Variants in PCSK9 observed in about 807,000 individuals in gnomAD.
The protein encoded by PCSK9 is proprotein convertase subtilisin/kexin type 9.
PCSK9 carries 57 observed loss-of-function variants against 62.1 expected under a neutral mutation model. The observed-to-expected ratio is 0.92, with a 90% CI of 0.74 to 1.14. The LOEUF is 1.14. PCSK9 is among the 50% of genes most tolerant of loss of function. The pLI, the probability that PCSK9 is intolerant of heterozygous loss-of-function variation, is 0.00. For synonymous variants in PCSK9, 387 were observed against 409.4 expected, an observed-to-expected ratio of 0.95 and a Z score of 0.66; for missense variants, 870 against 959.8, an observed-to-expected ratio of 0.91 and a Z score of 1.24.
intron 10 of PCSK9, among the ~76,000 whole-genome samples, chr1:55,060,405 C>T (rs1375920392): frequency 2.6e-5 from 4 of 152,130 alleles, no homozygotes; most frequent in African/African-American, 4.8e-5. Flanking sequence ...CGTCTGAGCA[C>T]GTCCAGGGGA....
rs956173950 is a variant in PCSK9, at chr1:55,046,741, C to CG, written c.523+101dup. ...CTCCCTGCTGGTGGTTTCCACTTCT[C>CG]GGGGGGCTTTGGGACTCAGCACCTC... On this transcript the variant is annotated intron_variant, in intron 3 of 11. Transcript: ENST00000302118. The CG allele has an allele frequency of 3.3e-6, 5 of 1,494,374 alleles. No individual in the cohort carries two copies. In the African/African-American group the frequency reaches 4.1e-5, roughly 12 times the overall value. 92.6% of individuals were successfully genotyped at this position (1,494,374 alleles called of 1,614,324 possible).
At chr1:55,045,882 G>A (rs1033084294) in intron 2 of PCSK9, among the ~76,000 whole-genome samples, 3 of 152,040 alleles carry the variant, frequency 2.0e-5, no homozygotes, top group Admixed American at 6.6e-5. Context: ...GCTAATTTTT[G>A]TATTTTTAAT....
chr1:55,063,553 A>G lies in PCSK9; in HGVS notation c.2048A>G (p.His683Arg), dbSNP rs778218461. Residue 683 changes from histidine (H) to arginine (R), a missense_variant, in exon 12 of 12, where the codon CAC (histidine) becomes CGC (arginine). Physicochemically the swap from His to Arg is conservative, Grantham distance 29. Coordinates refer to ENST00000302118, the MANE Select transcript of PCSK9 (RefSeq NM_174936.4). ...GTTGCCATCTGCTGCCGGAGCCGGC[A>G]CCTGGCGCAGGCCTCCCAGGAGCTC... ...TAVAICCRSR[H>R]LAQASQELQ is the part of the protein sequence containing the mutation. 6.2e-7 allele frequency: 1 copy of G among 1,612,790 alleles called. No individual in the cohort carries two copies. The highest frequency in any genetic ancestry group is 1.3e-5 in the African/African-American group (1 of 74,898).
chr1:55,062,912 C>G (rs1212795479), intron 11 of PCSK9, among the ~76,000 whole-genome samples: 1 of 150,180 alleles, frequency 6.7e-6, no homozygotes, highest in Admixed American at 6.6e-5. Flanking sequence ...TGGAGGGAGG[C>G]GGTGGAGGGT....
At chr1:55,050,676 C>G (rs1313316745) in intron 3 of PCSK9, among the ~76,000 whole-genome samples, 9 of 152,192 alleles carry the variant, frequency 5.9e-5, no homozygotes, top group African/African-American at 2.2e-4. Context: ...CGGACTGTGC[C>G]CAGACCTACT....
intron 9 of PCSK9, 116 bp from the exon 10 acceptor site, chr1:55,059,370 G>A: frequency 2.2e-6 from 3 of 1,335,512 alleles, no homozygotes; most frequent in Non-Finnish European, 3.2e-6. Context: ...GGCTGGGTCT[G>A]GCTGGCCCCT....
intron 5 of PCSK9, among the ~76,000 whole-genome samples, chr1:55,054,585 C>A (rs1222020676): frequency 6.6e-6 from 1 of 152,134 alleles, no homozygotes; most frequent in Non-Finnish European, 1.5e-5. Context: ...CAGAAGGCTC[C>A]CACACCTCAT....
intron 11 of PCSK9, 63 bp from the exon 12 acceptor site, chr1:55,063,306 A>C: frequency 6.5e-7 from 1 of 1,532,998 alleles, no homozygotes; most frequent in Non-Finnish European, 8.9e-7. Flanking sequence ...GGGAGAAATG[A>C]AGTGTGGGTG....
intron 1 of PCSK9, among the ~76,000 whole-genome samples, chr1:55,042,316 T>C (rs1267847236): frequency 6.6e-6 from 1 of 152,028 alleles, no homozygotes; most frequent in Non-Finnish European, 1.5e-5. Flanking sequence ...AAACCAAAAG[T>C]TTTTTTTGTG....
intron 3 of PCSK9, among the ~76,000 whole-genome samples, chr1:55,047,692 G>A (rs1424060885): frequency 2.0e-5 from 3 of 152,336 alleles, no homozygotes; most frequent in African/African-American, 7.2e-5. Context: ...CAACAGATCA[G>A]AGCTGGTGGG....
chr1:55,039,959 T>A lies in PCSK9; in HGVS notation c.122T>A (p.Leu41Gln), dbSNP rs550263135. 4 of 1,578,124 alleles carry A rather than the reference T, an allele frequency of 2.5e-6. No individual in the cohort carries two copies. In the African/African-American group the frequency reaches 5.4e-5, roughly 21 times the overall value. The change falls in exon 1 of 12, where the codon CTG becomes CAG. Residue 41 changes from leucine to glutamine, a missense_variant. Physicochemically the swap from Leu to Gln is moderately radical, Grantham distance 113 (BLOSUM62 -2). Transcript: ENST00000302118. ...QEDEDGDYEE[L>Q]VLALRSEEDG... Reference sequence around the variant, plus strand: ...GACGAGGACGGCGACTACGAGGAGCTGGTGCTAGCCTTGCGTTCCGAGGAG... The same window carrying A: ...GACGAGGACGGCGACTACGAGGAGCAGGTGCTAGCCTTGCGTTCCGAGGAG...
At position 55,056,007 on chromosome 1, in the gene PCSK9, C is replaced by T. The variant is rs754744118; in HGVS notation, c.814C>T (p.Arg272Trp). ...SGTLIGLEFI[R>W]KSQLVQPVGP... ...GTTCCTCCCAGGCCTGGAGTTTATT[C>T]GGAAAAGCCAGCTGGTCCAGCCTGT... The change falls in exon 6 of 12, where the codon CGG (arginine) becomes TGG (tryptophan). Residue 272 changes from arginine (R) to tryptophan (W), a missense_variant. By Grantham distance (101) the Arg-to-Trp change is moderately radical. Coordinates refer to ENST00000302118, the MANE Select transcript of PCSK9 (RefSeq NM_174936.4). The T allele has an allele frequency of 2.1e-5, 34 of 1,609,508 alleles. No homozygotes were observed. Among genetic ancestry groups the T allele is most frequent in the Non-Finnish European group, 2.7e-5 (32 of 1,177,502 alleles).
intron 6 of PCSK9, 35 bp downstream of exon 6, chr1:55,056,224 AGG>A: frequency 4.6e-6 from 1 of 216,372 alleles, no homozygotes; most frequent in Non-Finnish European, 5.9e-6. Flanking sequence ...AGGCGCGGGT[AGG>A]GGGCGGAGGG....
intron 11 of PCSK9, among the ~76,000 whole-genome samples, chr1:55,062,570 G>A (rs1368771719): frequency 2.6e-5 from 4 of 152,242 alleles, no homozygotes; most frequent in Non-Finnish European, 4.4e-5. Flanking sequence ...AATGGGGTGG[G>A]AGAGAGGTCA....
At chr1:55,060,178 G>A (rs772611513) in intron 10 of PCSK9, among the ~76,000 whole-genome samples, 15 of 152,216 alleles carry the variant, frequency 9.9e-5, no homozygotes, top group Non-Finnish European at 1.8e-4. Flanking sequence ...TTCATCACCC[G>A]TTGCTTTAAA....
chr1:55,050,932 CTT>C, intron 3 of PCSK9: 1 of 357,402 alleles, frequency 2.8e-6, no homozygotes, highest in South Asian at 2.1e-5. Context: ...TGTGATGTGT[CTT>C]TATGAGAGAA....
In PCSK9 at chr1:55,063,905, A is replaced by G; in HGVS notation, c.*321A>G. The G allele has an allele frequency of 2.4e-6, 1 of 423,274 alleles. No individual in the cohort carries two copies. Among genetic ancestry groups the G allele is most frequent in the Non-Finnish European group, 4.3e-6 (1 of 231,656 alleles). The allele number at this position is 423,274 out of a possible 1,614,324, so 26.2% of individuals were successfully genotyped here. A position where few individuals can be genotyped will look rare whatever the true frequency, so the allele number is the denominator to read the frequency against. The stretch of plus-strand genomic sequence containing the variant: ...CAATGTGCCGATGTCCGTGGGCAGA[A>G]TGACTTTTATTGAGCTCTTGTTCCG... On this transcript the variant is annotated 3_prime_UTR_variant, in exon 12 of 12. Coordinates refer to ENST00000302118, the MANE Select transcript of PCSK9 (RefSeq NM_174936.4).
In PCSK9 at chr1:55,056,196, G is replaced by A. The variant is rs1344623560; in HGVS notation, c.996+7G>A. On this transcript the variant is annotated splice_region_variant and intron_variant, in intron 6 of 11. Coordinates refer to ENST00000302118, the MANE Select transcript of PCSK9 (RefSeq NM_174936.4). The stretch of plus-strand genomic sequence containing the variant: ...CCCAGCCTCAGCTCCCGAGGTAGGT[G>A]CTGGGGCTGCTGCCCCAAGGCGCGG... The A allele has an allele frequency of 7.2e-7, 1 of 1,396,046 alleles. No homozygotes were observed. The highest frequency in any genetic ancestry group is 9.4e-7 in the Non-Finnish European group (1 of 1,062,526). The allele number at this position is 1,396,046 out of a possible 1,614,324, so 86.5% of individuals were successfully genotyped here. A position where few individuals can be genotyped will look rare whatever the true frequency, so the allele number is the denominator to read the frequency against.
rs1236589300 is a variant in PCSK9, at chr1:55,052,796, G to A, written c.799+5G>A. The A allele has an allele frequency of 1.2e-6, 2 of 1,612,926 alleles. No homozygotes were observed. Among genetic ancestry groups the A allele is most frequent in the Non-Finnish European group, 1.7e-6 (2 of 1,179,952 alleles). On this transcript the variant is annotated splice_donor_5th_base_variant and intron_variant, in intron 5 of 11. Coordinates refer to ENST00000302118, the MANE Select transcript of PCSK9 (RefSeq NM_174936.4). ...CGGTTAGCGGCACCCTCATAGGTAA[G>A]TGATGGCCCCAGACGCTGGTCTCTC...
Sources: allele counts gnomAD v4.1 joint callset (sites outside exome capture counted in the v4.1 genomes callset), GRCh38; gene constraint gnomAD v4.1.1; transcripts MANE v1.5; gene names NCBI Gene and HGNC (gene_info 2026-07-23, HGNC 2026-07-21).